Variants in NEK11 observed in about 807,000 individuals in gnomAD.
NEK11 encodes the protein NIMA related kinase 11, also known as serine/threonine-protein kinase Nek11.
NEK11 carries 72 observed loss-of-function variants against 80.7 expected under a neutral mutation model. That is an observed-to-expected ratio of 0.89 (90% CI 0.74 to 1.08). The LOEUF (loss-of-function observed/expected upper bound fraction) is 1.08. Among genes scored for constraint, NEK11 ranks in the 50% least tolerant of loss-of-function variants. The pLI is 0.00. For synonymous variants in NEK11, 251 were observed against 260.7 expected, an observed-to-expected ratio of 0.96 and a Z score of 0.36; for missense variants, 764 against 763.6, an observed-to-expected ratio of 1.00 and a Z score of -0.01.
At chr3:131,105,751 G>A (rs1036554127) in intron 4 of NEK11, among the ~76,000 whole-genome samples, 46 of 152,326 alleles carry the variant, frequency 3.0e-4, no homozygotes, top group Non-Finnish European at 5.9e-4. Context: ...CCCTTGACAT[G>A]TGGAGATTAT....
intron 17 of NEK11, among the ~76,000 whole-genome samples, chr3:131,341,461 G>C (rs191113406): frequency 6.6e-6 from 1 of 152,074 alleles, no homozygotes; most frequent in South Asian, 2.1e-4. Flanking sequence ...GTCAGTTTTC[G>C]CAAATGTTAC....
At chr3:131,323,425 G>GTT (rs1450956961) in intron 17 of NEK11, among the ~76,000 whole-genome samples, 3 of 152,138 alleles carry the variant, frequency 2.0e-5, no homozygotes, top group Admixed American at 1.3e-4. Flanking sequence ...AATCTCAGCT[G>GTT]TTTTTCCTGA....
At chr3:131,027,656 A>G (rs1178224323) in intron 1 of NEK11, 2 of 152,178 alleles carry the variant, frequency 1.3e-5, no homozygotes, top group Non-Finnish European at 2.9e-5. Context: ...AAGTGAACAG[A>G]TAGTTCTAGA....
At chr3:131,108,785 A>T (rs1373737351) in intron 4 of NEK11, among the ~76,000 whole-genome samples, 1 of 152,104 alleles carries the variant, frequency 6.6e-6, no homozygotes, top group Non-Finnish European at 1.5e-5. Context: ...ACATAGATCC[A>T]CAGTTATTAT....
chr3:131,202,071 G>A (rs2094254307), intron 14 of NEK11, among the ~76,000 whole-genome samples: 1 of 152,144 alleles, frequency 6.6e-6, no homozygotes, highest in Non-Finnish European at 1.5e-5. Context: ...CTGACCTCAT[G>A]ATCCACCCAC....
intron 17 of NEK11, among the ~76,000 whole-genome samples, chr3:131,313,313 T>G (rs1581788088): frequency 6.6e-6 from 1 of 152,330 alleles, no homozygotes; most frequent in East Asian, 1.9e-4. Flanking sequence ...ATAGAATGAT[T>G]TATATTCCTT....
At chr3:131,080,027 GTGTGTGTGTGTT>G (rs2074987567) in intron 3 of NEK11, among the ~76,000 whole-genome samples, 1 of 105,290 alleles carries the variant, frequency 9.5e-6, no homozygotes, top group South Asian at 4.0e-4. Flanking sequence ...ATATATATAT[GTGTGTGTGTGTT>G]TGTGTGTGTG....
At chr3:131,057,922 G>A (rs1255119490) in intron 3 of NEK11, among the ~76,000 whole-genome samples, 4 of 152,170 alleles carry the variant, frequency 2.6e-5, no homozygotes, top group Non-Finnish European at 4.4e-5. Flanking sequence ...TTTGGCTTTT[G>A]TTGCCATTGG....
At chr3:131,073,794 C>G (rs1037747355) in intron 3 of NEK11, among the ~76,000 whole-genome samples, 6 of 152,286 alleles carry the variant, frequency 3.9e-5, no homozygotes, top group African/African-American at 1.4e-4. Flanking sequence ...GGGCACTTAA[C>G]ATTTTCTTAT....
intron 14 of NEK11, among the ~76,000 whole-genome samples, chr3:131,210,091 G>T (rs2094564023): frequency 6.6e-6 from 1 of 152,220 alleles, no homozygotes; most frequent in Non-Finnish European, 1.5e-5. Context: ...GTCAATTTTA[G>T]ATCTTTCCTG....
chr3:131,065,075 G>A (rs967313305), intron 3 of NEK11, among the ~76,000 whole-genome samples: 26 of 152,194 alleles, frequency 1.7e-4, no homozygotes, highest in African/African-American at 6.0e-4. Flanking sequence ...GCCCTTGCTA[G>A]TCTGCTTTCT....
At chr3:131,079,103 C>A (rs1377141333) in intron 3 of NEK11, among the ~76,000 whole-genome samples, 1 of 152,074 alleles carries the variant, frequency 6.6e-6, no homozygotes, top group Non-Finnish European at 1.5e-5. Context: ...GTTTTCCTAG[C>A]AGAGATAACT....
chr3:131,311,195 G>A (rs2096779119), intron 17 of NEK11, among the ~76,000 whole-genome samples: 1 of 152,138 alleles, frequency 6.6e-6, no homozygotes, highest in Non-Finnish European at 1.5e-5. Flanking sequence ...CATTGAGTGT[G>A]TAATAAGTCA....
At chr3:131,290,460 A>G (rs2096532334) in intron 17 of NEK11, among the ~76,000 whole-genome samples, 1 of 152,232 alleles carries the variant, frequency 6.6e-6, no homozygotes, top group Admixed American at 6.5e-5. Flanking sequence ...CATGGTGAAA[A>G]TCAGTGAACT....
chr3:131,273,192 C>A (rs1277357857), intron 16 of NEK11, among the ~76,000 whole-genome samples: 1 of 152,192 alleles, frequency 6.6e-6, no homozygotes, highest in Admixed American at 6.5e-5. Flanking sequence ...CCTGAGTTTT[C>A]TAGGATAAAA....
intron 17 of NEK11, among the ~76,000 whole-genome samples, chr3:131,287,565 C>T (rs763275110): frequency 1.3e-5 from 2 of 152,188 alleles, no homozygotes; most frequent in African/African-American, 4.8e-5. Flanking sequence ...TGAGCCACTG[C>T]GCCCTGCCAA....
intron 4 of NEK11, among the ~76,000 whole-genome samples, chr3:131,083,323 C>G (rs996294878): frequency 6.6e-6 from 1 of 151,298 alleles, no homozygotes; most frequent in African/African-American, 2.4e-5. Context: ...TTTCAGTGGG[C>G]TGAGCTGCTC....
intron 17 of NEK11, chr3:131,325,804 G>A (rs555495148): frequency 1.1e-4 from 16 of 152,216 alleles, no homozygotes; most frequent in Middle Eastern, 3.4e-3. Context: ...TACCAGTCTC[G>A]AGTTGTTACT....
At chr3:131,171,029 T>G (rs1160191173) in intron 14 of NEK11, 142 bp downstream of exon 14, 1 of 704,258 alleles carries the variant, frequency 1.4e-6, no homozygotes, top group African/African-American at 1.7e-5. Flanking sequence ...GGCTGGGCTA[T>G]GACCAGGATG....
Sources: gnomAD v4.1 joint callset for allele counts (sites outside exome capture counted in the v4.1 genomes callset) on GRCh38, gnomAD v4.1.1 for gene constraint, MANE v1.5 for transcripts, NCBI Gene and HGNC (gene_info 2026-07-23, HGNC 2026-07-21) for gene names.